PHF24: variants seen among roughly 807,000 people sequenced by gnomAD.
The protein encoded by PHF24 is Galpha inhibitory interacting protein.
In PHF24, 25 loss-of-function variants were observed where a neutral mutation model predicts 42.6. The observed-to-expected ratio is 0.59, with a 90% CI of 0.43 to 0.82. The LOEUF (loss-of-function observed/expected upper bound fraction) is 0.82, where lower values mean the gene tolerates loss of function less well. PHF24 is among the 40% of genes least tolerant of loss of function. The probability of loss-of-function intolerance (pLI) is 0.00; values close to 1 mark genes in which losing one functional copy is unlikely to be tolerated. For synonymous variants in PHF24, 185 were observed against 204.8 expected (o/e 0.90, Z 0.83); for missense variants, 470 against 538.1 (o/e 0.87, Z 1.25).
chr9:34,862,718 G>A, the PHF24 span, among the ~76,000 whole-genome samples: 927 of 151,996 alleles, frequency 6.1e-3, 3 homozygotes, highest in Non-Finnish European at 0.01. Flanking sequence ...GAATTCCCAG[G>A]TGTGGTGGCT....
chr9:34,767,600 C>T, the PHF24 span, among the ~76,000 whole-genome samples: 7 of 152,326 alleles, frequency 4.6e-5, no homozygotes, highest in South Asian at 1.4e-3. Flanking sequence ...TTCCAGGTGC[C>T]GTCTGTCACC....
intron 1 of PHF24, among the ~76,000 whole-genome samples, chr9:34,965,691 C>T (rs554481181): frequency 1.3e-5 from 2 of 152,224 alleles, no homozygotes; most frequent in South Asian, 2.1e-4. Flanking sequence ...TGGGTTGTAG[C>T]GGATCTACAG....
chr9:34,752,226 TA>T, the PHF24 span, among the ~76,000 whole-genome samples: 2 of 151,842 alleles, frequency 1.3e-5, no homozygotes, highest in Admixed American at 1.3e-4. Flanking sequence ...AATTGAAATG[TA>T]AAAAATACAT....
At chr9:34,801,224 G>T in the PHF24 span, among the ~76,000 whole-genome samples, 1 of 152,226 alleles carries the variant, frequency 6.6e-6, no homozygotes, top group African/African-American at 2.4e-5. Flanking sequence ...CAACCATTGT[G>T]GAAGACAGTG....
At chr9:34,819,778 T>C in the PHF24 span, among the ~76,000 whole-genome samples, 2 of 152,226 alleles carry the variant, frequency 1.3e-5, no homozygotes, top group East Asian at 3.8e-4. Context: ...ACTTTGCTGT[T>C]GTTGGATGAA....
the PHF24 span, among the ~76,000 whole-genome samples, chr9:34,669,375 T>TAA: frequency 3.3e-5 from 5 of 152,020 alleles, no homozygotes; most frequent in Admixed American, 2.0e-4. Flanking sequence ...TGCCCCATTT[T>TAA]ACTCACTCAT....
At chr9:34,726,423 G>A in the PHF24 span, 5 of 1,550,742 alleles carry the variant, frequency 3.2e-6, no homozygotes, top group South Asian at 1.2e-5. Flanking sequence ...AAGGCCATTG[G>A]ATGCATCCGG....
chr9:34,925,847 TC>T, the PHF24 span, among the ~76,000 whole-genome samples: 9 of 152,224 alleles, frequency 5.9e-5, no homozygotes, highest in Admixed American at 5.9e-4. Context: ...TGACATGTTT[TC>T]TTGCTTTGTC....
the PHF24 span, among the ~76,000 whole-genome samples, chr9:34,939,816 A>C: frequency 2.0e-5 from 3 of 152,202 alleles, no homozygotes; most frequent in African/African-American, 4.8e-5. Flanking sequence ...AGGTAAACTT[A>C]GAAGGGCCAG....
At chr9:34,802,556 C>T in the PHF24 span, among the ~76,000 whole-genome samples, 4 of 152,226 alleles carry the variant, frequency 2.6e-5, no homozygotes, top group African/African-American at 9.6e-5. Context: ...ACTCTTTCTG[C>T]ATCCTAATCT....
the PHF24 span, among the ~76,000 whole-genome samples, chr9:34,880,656 A>T: frequency 6.7e-4 from 102 of 152,356 alleles, no homozygotes; most frequent in Non-Finnish European, 8.5e-4. Flanking sequence ...AGAAGAGCTA[A>T]CTATTGTAAA....
chr9:34,731,044 AT>A, the PHF24 span, among the ~76,000 whole-genome samples: 1 of 152,308 alleles, frequency 6.6e-6, no homozygotes, highest in Non-Finnish European at 1.5e-5. Flanking sequence ...ATGGCACAAA[AT>A]TTAAAAGGCA....
the PHF24 span, chr9:34,725,741 G>C: frequency 4.5e-6 from 7 of 1,549,104 alleles, no homozygotes; most frequent in Non-Finnish European, 6.1e-6. Flanking sequence ...GTCAGATGGA[G>C]ACATCCAGTT....
the PHF24 span, among the ~76,000 whole-genome samples, chr9:34,855,882 C>T: frequency 6.6e-6 from 1 of 152,094 alleles, no homozygotes; most frequent in African/African-American, 2.4e-5. Flanking sequence ...ACTTGTTTTC[C>T]TTCTCCTTGT....
the PHF24 span, among the ~76,000 whole-genome samples, chr9:34,923,754 C>A: frequency 2.0e-5 from 3 of 151,754 alleles, no homozygotes; most frequent in Non-Finnish European, 4.4e-5. Context: ...TTTTGTTTAT[C>A]TTTTAAAAAA....
the PHF24 span, among the ~76,000 whole-genome samples, chr9:34,906,796 A>C: frequency 6.6e-6 from 1 of 152,202 alleles, no homozygotes; most frequent in Non-Finnish European, 1.5e-5. Context: ...AATGCAATGC[A>C]GTTGTCTGAA....
At chr9:34,737,366 ATTACTAC>A in the PHF24 span, among the ~76,000 whole-genome samples, 2 of 152,188 alleles carry the variant, frequency 1.3e-5, no homozygotes, top group African/African-American at 4.8e-5. Context: ...TGTGGAACCT[ATTACTAC>A]TTTATTTCTT....
the PHF24 span, among the ~76,000 whole-genome samples, chr9:34,841,056 G>GCGC: frequency 6.6e-6 from 1 of 152,048 alleles, no homozygotes; most frequent in Non-Finnish European, 1.5e-5. Flanking sequence ...CTGGAGTGCA[G>GCGC]TGGCGCGATC....
chr9:34,707,405 A>G, the PHF24 span, among the ~76,000 whole-genome samples: 1 of 152,234 alleles, frequency 6.6e-6, no homozygotes, highest in Admixed American at 6.5e-5. Context: ...GGATCCCACA[A>G]GAGTGCCTGA....
Sources: gnomAD v4.1 joint callset for allele counts (sites outside exome capture counted in the v4.1 genomes callset) on GRCh38, gnomAD v4.1.1 for gene constraint, MANE v1.5 for transcripts, NCBI Gene and HGNC (gene_info 2026-07-23, HGNC 2026-07-21) for gene names.